ST18: variants seen among roughly 807,000 people sequenced by gnomAD.
ST18 encodes ST18 C2H2C-type zinc finger transcription factor.
ST18 carries 50 observed loss-of-function variants against 110.0 expected under a neutral mutation model. The observed-to-expected ratio is 0.45, with a 90% confidence interval of 0.36 to 0.58. The LOEUF (loss-of-function observed/expected upper bound fraction) is 0.58. ST18 is among the 20% of genes least tolerant of loss of function. The probability of loss-of-function intolerance (pLI) is 0.00; values close to 1 mark genes in which losing one functional copy is unlikely to be tolerated. For missense variants in ST18, 1,306 were observed against 1,280.1 expected (o/e 1.02, Z -0.31); for synonymous variants, 461 against 452.4 (o/e 1.02, Z -0.24).
chr8:52,304,213 A>G (rs2095776908), intron 2 of ST18, among the ~76,000 whole-genome samples: 1 of 152,232 alleles, frequency 6.6e-6, no homozygotes, highest in South Asian at 2.1e-4. Context: ...AACAATCTGT[A>G]TGTTTAAAAT....
intron 2 of ST18, among the ~76,000 whole-genome samples, chr8:52,352,709 A>C (rs903960099): frequency 3.3e-5 from 5 of 152,206 alleles, no homozygotes; most frequent in Admixed American, 1.3e-4. Context: ...CCCCTGCTCC[A>C]GTGGGATGGA....
At position 52,178,644 on chromosome 8, in the gene ST18, C is replaced by CAAAAAAAAAAAAAAAAAAAAAAA. The variant is rs386418682; in HGVS notation, c.277+1477_277+1478insTTTTTTTTTTTTTTTTTTTTTTT. Among the ~76,000 whole-genome samples, 2 of 61,616 alleles carry CAAAAAAAAAAAAAAAAAAAAAAA rather than the reference C, an allele frequency of 3.2e-5. 1 individual carries two copies. The highest frequency in any genetic ancestry group is 6.0e-5 in the Non-Finnish European group (2 of 33,588). 40.4% of individuals were successfully genotyped at this position (61,616 alleles called of 152,430 possible). Reference sequence around the variant, plus strand: ...AAAAAAAAAAAAAAAAAAAAAAAAACCACCAAAAACCAAAATAAAACAAAC... The same window carrying CAAAAAAAAAAAAAAAAAAAAAAA: ...AAAAAAAAAAAAAAAAAAAAAAAAACAAAAAAAAAAAAAAAAAAAAAAACACCAAAAACCAAAATAAAACAAAC... On this transcript the variant is annotated intron_variant, in intron 9 of 25. Coordinates refer to ENST00000689386, the MANE Select transcript of ST18 (RefSeq NM_001352837.2).
intron 2 of ST18, among the ~76,000 whole-genome samples, chr8:52,315,269 A>C (rs2096002770): frequency 6.6e-6 from 1 of 152,212 alleles, no homozygotes; most frequent in Non-Finnish European, 1.5e-5. Context: ...ATGTGGTATA[A>C]AATAGAAGAG....
intron 3 of ST18, among the ~76,000 whole-genome samples, chr8:52,228,981 A>G (rs545406404): frequency 2.0e-5 from 3 of 152,332 alleles, no homozygotes; most frequent in Non-Finnish European, 2.9e-5. Flanking sequence ...TATATCATAT[A>G]AAGAATTTCT....
chr8:52,203,423 C>T (rs16917460), intron 8 of ST18, among the ~76,000 whole-genome samples: 5,288 of 151,982 alleles, frequency 0.035, 172 homozygotes, highest in East Asian at 0.11. Flanking sequence ...AAATTCTAGG[C>T]GAGGGTTTGT....
At chr8:52,330,630 A>T (rs1808815831) in intron 2 of ST18, among the ~76,000 whole-genome samples, 1 of 152,238 alleles carries the variant, frequency 6.6e-6, no homozygotes, top group Admixed American at 6.5e-5. Context: ...CTGATACAGT[A>T]CAGCTTCCAC....
Position 52,332,048 on chromosome 8 carries a change from T to C in ST18, c.-465+77280A>G, listed in dbSNP as rs532514354. Among the ~76,000 whole-genome samples, 4 of 152,132 alleles carry C rather than the reference T, an allele frequency of 2.6e-5. No homozygotes were observed. In the East Asian group the frequency reaches 7.7e-4, roughly 29 times the overall value. On this transcript the variant is annotated intron_variant, in intron 2 of 25. Transcript: ENST00000689386. ...TGTATATATACATATAAAACAAATA[T>C]GTATGTGTGTATGTATATATACATT... is the stretch of plus-strand genomic sequence containing the variant.
At chr8:52,221,409 C>T (rs1179407271) in intron 4 of ST18, among the ~76,000 whole-genome samples, 1 of 152,194 alleles carries the variant, frequency 6.6e-6, no homozygotes, top group Non-Finnish European at 1.5e-5. Flanking sequence ...CCTTGGTTTA[C>T]TGTGTGTTCA....
intron 2 of ST18, among the ~76,000 whole-genome samples, chr8:52,408,135 A>G (rs1424813602): frequency 6.6e-6 from 1 of 152,208 alleles, no homozygotes; most frequent in Non-Finnish European, 1.5e-5. Context: ...ATTTTTGAAT[A>G]ACATCAAACT....
chr8:52,244,038 G>A (rs1414006372), intron 2 of ST18, among the ~76,000 whole-genome samples: 1 of 152,084 alleles, frequency 6.6e-6, no homozygotes, highest in Non-Finnish European at 1.5e-5. Flanking sequence ...TGCAAAACCT[G>A]ACCCTTGGAT....
intron 8 of ST18, among the ~76,000 whole-genome samples, chr8:52,208,949 TG>T (rs1188765150): frequency 6.6e-6 from 1 of 152,238 alleles, no homozygotes; most frequent in Non-Finnish European, 1.5e-5. Context: ...TTTTATAAGC[TG>T]GGTCTCATTA....
intron 3 of ST18, among the ~76,000 whole-genome samples, chr8:52,222,470 G>A (rs2087227484): frequency 1.3e-5 from 2 of 152,188 alleles, no homozygotes; most frequent in African/African-American, 2.4e-5. Flanking sequence ...CCCTCCCTGG[G>A]GAAGAGAGTG....
chr8:52,172,680 T>C, intron 9 of ST18, 97 bp from the exon 10 acceptor site: 1 of 847,656 alleles, frequency 1.2e-6, no homozygotes, highest in Non-Finnish European at 1.8e-6. Flanking sequence ...TGCATTCACA[T>C]ACATAGGTAC....
intron 2 of ST18, among the ~76,000 whole-genome samples, chr8:52,335,367 T>A (rs1467928155): frequency 6.6e-6 from 1 of 152,154 alleles, no homozygotes; most frequent in Non-Finnish European, 1.5e-5. Context: ...TCCTCTCTGT[T>A]CCACCTCCTC....
At chr8:52,173,662 A>G (rs2065827878) in intron 9 of ST18, among the ~76,000 whole-genome samples, 1 of 152,102 alleles carries the variant, frequency 6.6e-6, no homozygotes, top group African/African-American at 2.4e-5. Flanking sequence ...CAGGCTGTGA[A>G]GTGCCTGCAA....
intron 23 of ST18, among the ~76,000 whole-genome samples, chr8:52,125,686 G>A (rs1295288054): frequency 6.6e-6 from 1 of 151,652 alleles, no homozygotes; most frequent in Non-Finnish European, 1.5e-5. Context: ...GATGGGGTCT[G>A]GCTATGTTGC....
intron 19 of ST18, among the ~76,000 whole-genome samples, chr8:52,134,363 G>A (rs779731882): frequency 2.6e-5 from 4 of 152,108 alleles, no homozygotes; most frequent in South Asian, 2.1e-4. Context: ...AAAATTTTAC[G>A]CAGACTTTCA....
intron 15 of ST18, among the ~76,000 whole-genome samples, chr8:52,153,511 A>C (rs894506080): frequency 6.6e-6 from 1 of 152,260 alleles, no homozygotes; most frequent in African/African-American, 2.4e-5. Flanking sequence ...AGATGAAATG[A>C]AAATATCTTA....
chr8:52,374,553 G>A (rs1203016202), intron 2 of ST18, among the ~76,000 whole-genome samples: 4 of 150,780 alleles, frequency 2.7e-5, no homozygotes, highest in Admixed American at 2.0e-4. Flanking sequence ...TATGTTCCAG[G>A]GTACATGTGC....
Sources: allele counts gnomAD v4.1 joint callset (sites outside exome capture counted in the v4.1 genomes callset), GRCh38; gene constraint gnomAD v4.1.1; transcripts MANE v1.5; gene names NCBI Gene and HGNC (gene_info 2026-07-23, HGNC 2026-07-21).